Variants in SPIDR observed in about 807,000 individuals in gnomAD.
The protein encoded by SPIDR is scaffold protein involved in DNA repair, also known as DNA repair-scaffolding protein.
A neutral mutation model predicts 104.6 loss-of-function variants in SPIDR; 93 were observed. The observed-to-expected ratio is 0.89, with a 90% CI of 0.75 to 1.06. The LOEUF (loss-of-function observed/expected upper bound fraction) is 1.06, where lower values mean the gene tolerates loss of function less well. Among genes scored for constraint, SPIDR ranks in the 50% least tolerant of loss-of-function variants. The pLI is 0.00. For synonymous variants in SPIDR, 431 were observed against 416.9 expected (o/e 1.03, Z -0.41); for missense variants, 1,154 against 1,111.2 (o/e 1.04, Z -0.55).
chr8:47,308,107 G>T (rs1225686805), intron 5 of SPIDR, among the ~76,000 whole-genome samples: 1 of 152,008 alleles, frequency 6.6e-6, no homozygotes, highest in Non-Finnish European at 1.5e-5. Flanking sequence ...TGTTGCCCAG[G>T]CTGGAGTGCA....
chr8:47,407,161 TG>T (rs1554667873), intron 6 of SPIDR, among the ~76,000 whole-genome samples: 1 of 152,252 alleles, frequency 6.6e-6, no homozygotes. Context: ...TAAGTATATG[TG>T]TTCATTGATA....
chr8:47,484,414 C>T, intron 8 of SPIDR, among the ~76,000 whole-genome samples: 1 of 152,230 alleles, frequency 6.6e-6, no homozygotes, highest in East Asian at 1.9e-4. Flanking sequence ...CTGTCCTGGG[C>T]CAGGTCCTCC....
chr8:47,631,830 T>C (rs2067115940), intron 10 of SPIDR, among the ~76,000 whole-genome samples: 1 of 152,246 alleles, frequency 6.6e-6, no homozygotes, highest in African/African-American at 2.4e-5. Context: ...AATTCAGCCC[T>C]TACCTCGGGA....
Position 47,397,675 on chromosome 8 carries a change from C to G in SPIDR, c.776+1049C>G, listed in dbSNP as rs549461605. 9.2e-5 allele frequency among the ~76,000 whole-genome samples: 14 copies of G among 152,290 alleles called. No homozygotes were observed. The South Asian group carries it at 1.9e-3, about 20-fold the overall frequency. On this transcript the variant is annotated intron_variant, in intron 6 of 19. Transcript: ENST00000297423. ...TTACATCATAAGAAGACCAGCCTGG[C>G]ATGCACTGAGGGGAGCCCAGGGTCT...
chr8:47,582,484 A>G (rs899276670), intron 8 of SPIDR, among the ~76,000 whole-genome samples: 6 of 152,176 alleles, frequency 3.9e-5, no homozygotes, highest in Non-Finnish European at 8.8e-5. Context: ...GATGTTTCAC[A>G]TGGTTTTCCT....
intron 10 of SPIDR, among the ~76,000 whole-genome samples, chr8:47,642,175 G>C (rs1420303770): frequency 1.3e-5 from 2 of 152,168 alleles, no homozygotes; most frequent in Non-Finnish European, 2.9e-5. Flanking sequence ...TGTAATCCCA[G>C]CACTTTGGGA....
intron 8 of SPIDR, among the ~76,000 whole-genome samples, chr8:47,590,065 T>A (rs2060807054): frequency 6.6e-6 from 1 of 151,714 alleles, no homozygotes; most frequent in Non-Finnish European, 1.5e-5. Flanking sequence ...TCCCAGCTAC[T>A]CAGGAGGCTG....
intron 10 of SPIDR, chr8:47,659,775 C>A (rs763156499): frequency 1.3e-4 from 127 of 956,390 alleles, no homozygotes; most frequent in Non-Finnish European, 1.5e-4. Context: ...GGTTTTTTTC[C>A]TTGGGTTGAA....
At chr8:47,544,405 A>T (rs1039858850) in intron 8 of SPIDR, among the ~76,000 whole-genome samples, 2 of 152,010 alleles carry the variant, frequency 1.3e-5, no homozygotes, top group African/African-American at 2.4e-5. Context: ...TCCTTTTATG[A>T]ATTGTGTTTT....
At chr8:47,451,607 C>T (rs2071751581) in intron 8 of SPIDR, among the ~76,000 whole-genome samples, 1 of 151,876 alleles carries the variant, frequency 6.6e-6, no homozygotes, top group African/African-American at 2.4e-5. Flanking sequence ...CACACACACA[C>T]ACTAGAAAGA....
At chr8:47,320,670 CT>C (rs1312018458) in intron 5 of SPIDR, among the ~76,000 whole-genome samples, 1 of 152,122 alleles carries the variant, frequency 6.6e-6, no homozygotes, top group Non-Finnish European at 1.5e-5. Context: ...ACCAATATCC[CT>C]GATGAACATG....
rs371043686 is a variant in SPIDR at position 47,700,412 on chromosome 8, G to A, written c.1695G>A (p.Gly565=). Residue 565 remains glycine (G), a synonymous_variant, in exon 12 of 20, where the codon GGG becomes GGA. Transcript: ENST00000297423. ...ACTTTTCTTGTTCCAGGACAGCGGG[G>A]ATTTTCAGTTTGATTGACACCCTGT... ...LQKVTRGRTA[G]IFSLIDTLWP... 1 of 1,614,222 alleles carries A rather than the reference G, an allele frequency of 6.2e-7. No homozygotes were observed. Among genetic ancestry groups the A allele is most frequent in the Admixed American group, 1.7e-5 (1 of 60,030 alleles).
At chr8:47,504,737 T>C (rs1450309632) in intron 8 of SPIDR, among the ~76,000 whole-genome samples, 1 of 152,252 alleles carries the variant, frequency 6.6e-6, no homozygotes, top group Non-Finnish European at 1.5e-5. Flanking sequence ...CCAGTTTTTC[T>C]GCTCTGTTTT....
At chr8:47,516,523 C>A (rs2083180161) in intron 8 of SPIDR, among the ~76,000 whole-genome samples, 1 of 152,104 alleles carries the variant, frequency 6.6e-6, no homozygotes, top group South Asian at 2.1e-4. Context: ...TGGAATCATA[C>A]AATATTTGTT....
intron 8 of SPIDR, among the ~76,000 whole-genome samples, chr8:47,492,791 T>C (rs1227532563): frequency 6.6e-6 from 1 of 152,194 alleles, no homozygotes; most frequent in African/African-American, 2.4e-5. Context: ...CGCTTCTCAG[T>C]ATACAAGTTT....
At chr8:47,633,171 G>A (rs2067323924) in intron 10 of SPIDR, among the ~76,000 whole-genome samples, 1 of 152,224 alleles carries the variant, frequency 6.6e-6, no homozygotes, top group Admixed American at 6.5e-5. Context: ...GCATTTATCT[G>A]TCAGCTTAAC....
intron 5 of SPIDR, among the ~76,000 whole-genome samples, chr8:47,337,853 C>G (rs1208952733): frequency 1.3e-5 from 2 of 152,114 alleles, no homozygotes; most frequent in Non-Finnish European, 2.9e-5. Flanking sequence ...TTTAGTATTT[C>G]AAGGTCATGG....
chr8:47,274,390 A>G (rs2035944037), intron 1 of SPIDR, among the ~76,000 whole-genome samples: 1 of 152,154 alleles, frequency 6.6e-6, no homozygotes, highest in African/African-American at 2.4e-5. Flanking sequence ...TATGTTCATT[A>G]CTAGTCAGAT....
chr8:47,583,566 G>A (rs2059965387), intron 8 of SPIDR, among the ~76,000 whole-genome samples: 1 of 152,138 alleles, frequency 6.6e-6, no homozygotes, highest in Non-Finnish European at 1.5e-5. Context: ...ACACCACGTG[G>A]TGTTGGATTG....
Sources: allele counts gnomAD v4.1 joint callset (sites outside exome capture counted in the v4.1 genomes callset), GRCh38; gene constraint gnomAD v4.1.1; transcripts MANE v1.5; gene names NCBI Gene and HGNC (gene_info 2026-07-23, HGNC 2026-07-21).